Variants in TRMT11 observed in about 807,000 individuals in gnomAD.
TRMT11 encodes the protein tRNA methyltransferase 11, also known as tRNA (guanine(10)-N(2))-methyltransferase TRMT11.
A neutral mutation model predicts 62.8 loss-of-function variants in TRMT11; 53 were observed. That is an observed-to-expected ratio of 0.84 (90% CI 0.68 to 1.06). TRMT11 has a LOEUF of 1.06. Ranked by LOEUF, TRMT11 falls within the 50% of genes least tolerant of loss-of-function variation. TRMT11 has a pLI of 0.00. For synonymous variants in TRMT11, 188 were observed against 190.3 expected (o/e 0.99, Z 0.10); for missense variants, 556 against 553.4 (o/e 1.00, Z -0.05).
At chr6:126,258,949 A>G in the TRMT11 span, among the ~76,000 whole-genome samples, 1 of 151,884 alleles carries the variant, frequency 6.6e-6, no homozygotes. Context: ...CTCAATAGCT[A>G]TTTTTCCGGA....
chr6:126,049,599 A>G (rs1374374255), intron 16 of TRMT11, among the ~76,000 whole-genome samples: 1 of 152,120 alleles, frequency 6.6e-6, no homozygotes, highest in Non-Finnish European at 1.5e-5. Flanking sequence ...CCATGCATGG[A>G]TTTAAATAAT....
intron 1 of TRMT11, among the ~76,000 whole-genome samples, chr6:126,182,316 G>A (rs1348624877): frequency 6.6e-6 from 1 of 151,930 alleles, no homozygotes; most frequent in Non-Finnish European, 1.5e-5. Flanking sequence ...AAAGCAGAAG[G>A]GTTGAAGGGA....
In TRMT11 at chr6:125,999,515, T is replaced by C. The variant is rs1792131577; in HGVS notation, c.581T>C (p.Ile194Thr). 2 of 1,611,684 alleles carry C rather than the reference T, an allele frequency of 1.2e-6. No homozygotes were observed. The highest frequency in any genetic ancestry group is 8.5e-7 in the Non-Finnish European group (1 of 1,178,790). ...TACAGTGTCAAAAAGAGACACTTTATTGGAAATACAAGTATGGATGCTGGT... is the reference window on the plus strand; with the variant it reads ...TACAGTGTCAAAAAGAGACACTTTACTGGAAATACAAGTATGGATGCTGGT... ...ESYSVKKRHF[I>T]GNTSMDAGLS... The change falls in exon 7 of 13, where the codon ATT becomes ACT. Residue 194 changes from isoleucine to threonine, a missense_variant. Physicochemically the swap from Ile to Thr is moderately conservative, Grantham distance 89. Transcript: ENST00000334379.
intron 1 of TRMT11, among the ~76,000 whole-genome samples, chr6:126,182,344 G>A (rs1398943240): frequency 6.6e-6 from 1 of 151,746 alleles, no homozygotes; most frequent in Non-Finnish European, 1.5e-5. Flanking sequence ...TGTGAATAGA[G>A]CCTTGCTGAC....
intron 1 of TRMT11, among the ~76,000 whole-genome samples, chr6:126,181,073 T>A (rs1244416798): frequency 2.0e-5 from 3 of 152,206 alleles, no homozygotes; most frequent in Admixed American, 1.3e-4. Flanking sequence ...GATTTTTTTT[T>A]AAAGGAATAT....
chr6:125,993,819 A>G lies in TRMT11; in HGVS notation c.135A>G (p.Gly45=), dbSNP rs770170482. Residue 45 remains glycine, a synonymous_variant, in exon 2 of 13, where the codon GGA becomes GGG. Transcript: ENST00000334379. ...TTGCCAGCAGTCAAGAAACTTATGG[A>G]AAGGTAAGTTAAATTTTCATTAGAC... ...GQFASSQETY[G]KSPFWILSIP... is the part of the protein sequence containing the mutation. 3 of 1,604,794 alleles carry G rather than the reference A, an allele frequency of 1.9e-6. No homozygotes were observed. In the African/African-American group the frequency reaches 4.0e-5, roughly 21 times the overall value.
the TRMT11 span, among the ~76,000 whole-genome samples, chr6:126,232,789 T>A: frequency 6.6e-6 from 1 of 152,222 alleles, no homozygotes; most frequent in South Asian, 2.1e-4. Flanking sequence ...GAGTCAAAGT[T>A]AACAAATAAG....
intron 1 of TRMT11, among the ~76,000 whole-genome samples, chr6:126,177,912 C>A (rs1244223238): frequency 2.0e-5 from 3 of 152,128 alleles, no homozygotes. Flanking sequence ...CATCCCCTTT[C>A]CCTTAAGCCC....
In TRMT11 at chr6:126,138,244, T is replaced by C. The variant is rs1248817849; in HGVS notation, c.*1823+22389T>C. On this transcript the variant is annotated intron_variant and NMD_transcript_variant, in intron 21 of 22. Coordinates refer to the TRMT11 transcript ENST00000648977. ...CACAAAAATGTGTACAACTGTGATA[T>C]AGCAATAAAAATACAATAAAAGTGT... 3.3e-5 allele frequency among the ~76,000 whole-genome samples: 5 copies of C among 151,966 alleles called. No individual in the cohort carries two copies. The East Asian group carries it at 7.7e-4, about 23-fold the overall frequency.
At chr6:126,141,965 A>G (rs1445266244) in intron 21 of TRMT11, among the ~76,000 whole-genome samples, 1 of 152,060 alleles carries the variant, frequency 6.6e-6, no homozygotes, top group Non-Finnish European at 1.5e-5. Context: ...TCCTCATAAG[A>G]ACATTTGTCT....
chr6:126,171,585 T>C (rs932341116), intron 21 of TRMT11, among the ~76,000 whole-genome samples: 1 of 152,184 alleles, frequency 6.6e-6, no homozygotes, highest in African/African-American at 2.4e-5. Flanking sequence ...ATAGTATTCT[T>C]AGTGTGAGAA....
intron 21 of TRMT11, among the ~76,000 whole-genome samples, chr6:126,164,618 T>C (rs1192917173): frequency 1.3e-5 from 2 of 152,348 alleles, no homozygotes; most frequent in East Asian, 3.9e-4. Flanking sequence ...TGAAGTCTTT[T>C]GTAGGTCTCT....
chr6:126,057,945 CTTTTTTTCTTTTTCT>C (rs1392631146), intron 17 of TRMT11, among the ~76,000 whole-genome samples: 2 of 135,294 alleles, frequency 1.5e-5, no homozygotes, highest in Admixed American at 8.5e-5. Context: ...AGTGGTATTT[CTTTTTTTCTTTTTCT>C]TTTTTTTTTT....
At chr6:126,121,405 C>T (rs1196167494) in intron 21 of TRMT11, among the ~76,000 whole-genome samples, 2 of 152,046 alleles carry the variant, frequency 1.3e-5, no homozygotes, top group African/African-American at 4.8e-5. Context: ...AAAACAAAAA[C>T]ATAGAGCACA....
At chr6:126,183,830 G>A (rs1341300404) in intron 1 of TRMT11, among the ~76,000 whole-genome samples, 1 of 146,558 alleles carries the variant, frequency 6.8e-6, no homozygotes, top group Admixed American at 6.8e-5. Flanking sequence ...CGATACGTGG[G>A]GAAGGAGGGT....
intron 1 of TRMT11, among the ~76,000 whole-genome samples, chr6:126,193,068 T>G (rs1778621401): frequency 6.6e-6 from 1 of 152,202 alleles, no homozygotes; most frequent in Admixed American, 6.5e-5. Flanking sequence ...TTCTGGGCTT[T>G]CTTTGATGGG....
chr6:126,095,075 G>A (rs1230580279), intron 17 of TRMT11, among the ~76,000 whole-genome samples: 1 of 152,112 alleles, frequency 6.6e-6, no homozygotes, highest in East Asian at 1.9e-4. Flanking sequence ...TTTCTTCAAG[G>A]TCACATTTTT....
intron 17 of TRMT11, among the ~76,000 whole-genome samples, chr6:126,110,474 C>T (rs1048373787): frequency 6.6e-6 from 1 of 152,124 alleles, no homozygotes; most frequent in South Asian, 2.1e-4. Context: ...TAAAAATCAT[C>T]ACCCATTCTT....
intron 21 of TRMT11, among the ~76,000 whole-genome samples, chr6:126,163,888 C>A (rs1329942213): frequency 6.6e-6 from 1 of 152,066 alleles, no homozygotes; most frequent in Non-Finnish European, 1.5e-5. Flanking sequence ...GTCTGGCTAG[C>A]AGTCTACCTA....
Sources: gnomAD v4.1 joint callset for allele counts (sites outside exome capture counted in the v4.1 genomes callset) on GRCh38, gnomAD v4.1.1 for gene constraint, MANE v1.5 for transcripts, NCBI Gene and HGNC (gene_info 2026-07-23, HGNC 2026-07-21) for gene names.